The following FHIT variants were observed in gnomAD, a reference collection of about 807,000 sequenced individuals.
The protein encoded by FHIT is bis(5'-adenosyl)-triphosphatase.
In FHIT, 19 loss-of-function variants were observed where a neutral mutation model predicts 17.9. The ratio of observed to expected loss-of-function variants is 1.06; its 90% confidence interval spans 0.74 to 1.56. The LOEUF is 1.56. Ranked by LOEUF, FHIT falls within the 40% of genes most tolerant of loss-of-function variation. FHIT has a pLI of 0.00. For missense variants in FHIT, 248 were observed against 189.2 expected, an observed-to-expected ratio of 1.31 and a Z score of -1.82; for synonymous variants, 81 against 69.7, an observed-to-expected ratio of 1.16 and a Z score of -0.81.
chr3:60,551,084 A>G (rs1313528577), intron 4 of FHIT, among the ~76,000 whole-genome samples: 1 of 152,124 alleles, frequency 6.6e-6, no homozygotes, highest in East Asian at 1.9e-4. Context: ...TGGAGGAAAC[A>G]GCAATTGCCA....
chr3:59,922,864 A>G (rs1001451782), intron 7 of FHIT, among the ~76,000 whole-genome samples: 5 of 152,188 alleles, frequency 3.3e-5, no homozygotes, highest in East Asian at 1.9e-4. Flanking sequence ...TTCGAAAAAT[A>G]ATCATATAAT....
At chr3:60,675,370 T>C (rs962061240) in intron 4 of FHIT, among the ~76,000 whole-genome samples, 27 of 152,236 alleles carry the variant, frequency 1.8e-4, no homozygotes, top group African/African-American at 6.3e-4. Flanking sequence ...CTTCCTGCTC[T>C]TATTTCTCTT....
chr3:61,225,432 A>T (rs2039945639), intron 1 of FHIT, among the ~76,000 whole-genome samples: 1 of 152,244 alleles, frequency 6.6e-6, no homozygotes, highest in Non-Finnish European at 1.5e-5. Flanking sequence ...TGTAACTTTA[A>T]CATGCCTTTG....
At chr3:60,637,672 C>A (rs1046571731) in intron 4 of FHIT, among the ~76,000 whole-genome samples, 1 of 152,080 alleles carries the variant, frequency 6.6e-6, no homozygotes, top group East Asian at 1.9e-4. Context: ...GATGTGAACA[C>A]TGAAGTGCAG....
At chr3:61,211,150 G>A (rs907869737) in intron 1 of FHIT, among the ~76,000 whole-genome samples, 7 of 151,784 alleles carry the variant, frequency 4.6e-5, no homozygotes, top group Non-Finnish European at 8.8e-5. Flanking sequence ...CAGACAGTGG[G>A]CGCAGGACAG....
At chr3:60,391,142 C>G (rs1237121701) in intron 5 of FHIT, among the ~76,000 whole-genome samples, 1 of 152,038 alleles carries the variant, frequency 6.6e-6, no homozygotes, top group African/African-American at 2.4e-5. Flanking sequence ...GAGCTGAGAT[C>G]ACACCACTGC....
At chr3:60,619,888 G>C (rs1190222463) in intron 4 of FHIT, among the ~76,000 whole-genome samples, 4 of 151,998 alleles carry the variant, frequency 2.6e-5, no homozygotes, top group South Asian at 2.1e-4. Flanking sequence ...CAAGCCAAAG[G>C]CTAGGAGAAA....
At chr3:59,849,005 C>T (rs567107416) in intron 8 of FHIT, among the ~76,000 whole-genome samples, 39 of 152,330 alleles carry the variant, frequency 2.6e-4, no homozygotes, top group South Asian at 2.1e-3. Flanking sequence ...TAGGACAGTA[C>T]TCTCATATAT....
chr3:60,723,222 T>G (rs745340853), intron 4 of FHIT, among the ~76,000 whole-genome samples: 4 of 152,128 alleles, frequency 2.6e-5, no homozygotes, highest in Non-Finnish European at 4.4e-5. Flanking sequence ...ATACAGAAAT[T>G]TGGAACCTGG....
chr3:60,915,684 AAGGTGTTCTAAAAGAAACTTTT>A, intron 3 of FHIT, among the ~76,000 whole-genome samples: 1 of 152,166 alleles, frequency 6.6e-6, no homozygotes, highest in South Asian at 2.1e-4. Context: ...ATCCTCATAA[AAGGTGTTCTAAAAGAAACTTTT>A]AGGTGTTCTA....
At chr3:61,119,654 G>A (rs1194674473) in intron 2 of FHIT, among the ~76,000 whole-genome samples, 1 of 152,208 alleles carries the variant, frequency 6.6e-6, no homozygotes, top group Non-Finnish European at 1.5e-5. Context: ...TCAGTAGATT[G>A]AGTAAAGATA....
intron 8 of FHIT, among the ~76,000 whole-genome samples, chr3:59,773,051 CCCT>C (rs1195397616): frequency 3.9e-5 from 6 of 152,216 alleles, no homozygotes; most frequent in Admixed American, 3.9e-4. Flanking sequence ...ATGCTCATCT[CCCT>C]CCTCTGAATT....
intron 4 of FHIT, among the ~76,000 whole-genome samples, chr3:60,702,871 G>A (rs2041281478): frequency 6.6e-6 from 1 of 152,026 alleles, no homozygotes; most frequent in Non-Finnish European, 1.5e-5. Context: ...TCCTTATTGT[G>A]TTTAACTTCC....
chr3:59,923,794 C>T (rs1456083616), intron 7 of FHIT, among the ~76,000 whole-genome samples: 2 of 152,134 alleles, frequency 1.3e-5, no homozygotes, highest in African/African-American at 2.4e-5. Context: ...TTTAAGTGTC[C>T]CTGTGGCTTC....
chr3:61,222,674 C>T (rs776880175), intron 1 of FHIT, among the ~76,000 whole-genome samples: 6 of 152,006 alleles, frequency 3.9e-5, no homozygotes, highest in Admixed American at 6.6e-5. Flanking sequence ...GATGACAAGA[C>T]GAGGAGTGGG....
chr3:61,194,164 A>G (rs1256092467), intron 2 of FHIT, among the ~76,000 whole-genome samples: 1 of 152,136 alleles, frequency 6.6e-6, no homozygotes, highest in Non-Finnish European at 1.5e-5. Context: ...AGGATCTTCA[A>G]AGGAGAAGGA....
At chr3:60,421,362 C>T (rs1312987619) in intron 5 of FHIT, among the ~76,000 whole-genome samples, 5 of 152,154 alleles carry the variant, frequency 3.3e-5, no homozygotes, top group East Asian at 3.9e-4. Flanking sequence ...GCATGTTTAT[C>T]GATTGAAATT....
chr3:60,092,122 G>A (rs1703759403), intron 5 of FHIT, among the ~76,000 whole-genome samples: 1 of 152,144 alleles, frequency 6.6e-6, no homozygotes, highest in Non-Finnish European at 1.5e-5. Flanking sequence ...TCAAGTAACA[G>A]TAACCCCTCT....
At chr3:61,126,350 C>G (rs907743278) in intron 2 of FHIT, among the ~76,000 whole-genome samples, 13 of 152,078 alleles carry the variant, frequency 8.5e-5, no homozygotes, top group African/African-American at 3.1e-4. Context: ...TAAATAAATG[C>G]CTGACACTGG....
Sources: gnomAD v4.1 joint callset for allele counts (sites outside exome capture counted in the v4.1 genomes callset) on GRCh38, gnomAD v4.1.1 for gene constraint, MANE v1.5 for transcripts, NCBI Gene and HGNC (gene_info 2026-07-23, HGNC 2026-07-21) for gene names.